DPP10: variants seen among roughly 807,000 people sequenced by gnomAD.
The protein encoded by DPP10 is dipeptidyl peptidase like 10, also known as inactive dipeptidyl peptidase 10.
In DPP10, 33 loss-of-function variants were observed where a neutral mutation model predicts 120.9. The ratio of observed to expected loss-of-function variants is 0.27; its 90% CI spans 0.21 to 0.37. The LOEUF (loss-of-function observed/expected upper bound fraction) is 0.37, where lower values mean the gene tolerates loss of function less well. Ranked by LOEUF, DPP10 falls within the 10% of genes least tolerant of loss-of-function variation. The pLI, the probability that DPP10 is intolerant of heterozygous loss-of-function variation, is 1.00. For synonymous variants in DPP10, 337 were observed against 326.1 expected, an observed-to-expected ratio of 1.03 and a Z score of -0.36; for missense variants, 816 against 942.8, an observed-to-expected ratio of 0.87 and a Z score of 1.76.
At chr2:115,565,124 G>A (rs1031644363) in intron 5 of DPP10, among the ~76,000 whole-genome samples, 1 of 152,082 alleles carries the variant, frequency 6.6e-6, no homozygotes, top group Non-Finnish European at 1.5e-5. Flanking sequence ...AGCAAACACT[G>A]AGCTTTGTGC....
Position 114,777,832 on chromosome 2 carries a change from G to A in DPP10, c.60+334994G>A, listed in dbSNP as rs141052510. On this transcript the variant is annotated intron_variant, in intron 1 of 25. Transcript: ENST00000410059. ...GCAGAACCAAGATGCTTTATAGTAAGTTCTATGAAGTTACATAGTCAAAGA... is the reference window on the plus strand; with the variant it reads ...GCAGAACCAAGATGCTTTATAGTAAATTCTATGAAGTTACATAGTCAAAGA... Among the ~76,000 whole-genome samples, 1,155 of 152,086 alleles carry A rather than the reference G, an allele frequency of 7.6e-3. 16 individuals carry two copies. The highest frequency in any genetic ancestry group is 0.027 in the African/African-American group (1,101 of 41,512).
intron 21 of DPP10, among the ~76,000 whole-genome samples, chr2:115,835,058 C>T (rs1341386795): frequency 6.6e-6 from 1 of 151,810 alleles, no homozygotes; most frequent in Non-Finnish European, 1.5e-5. Flanking sequence ...TTGCAGTGAA[C>T]CCAGGGGGCG....
chr2:115,557,773 T>C (rs577911789), intron 5 of DPP10, among the ~76,000 whole-genome samples: 17 of 152,250 alleles, frequency 1.1e-4, no homozygotes, highest in Admixed American at 1.0e-3. Context: ...AAAGGCCTAC[T>C]CCTATTTGTC....
At chr2:115,269,533 A>G (rs562657347) in intron 1 of DPP10, among the ~76,000 whole-genome samples, 2 of 152,140 alleles carry the variant, frequency 1.3e-5, no homozygotes, top group South Asian at 4.2e-4. Context: ...TCTGCTTCCA[A>G]GCTTACTTGT....
chr2:114,670,544 T>G (rs866608618), intron 1 of DPP10, among the ~76,000 whole-genome samples: 56 of 137,886 alleles, frequency 4.1e-4, no homozygotes, highest in African/African-American at 9.1e-4. Flanking sequence ...GTGGGGGGAG[T>G]GGGGAGGGAT....
At chr2:115,646,862 C>T (rs111617473) in intron 5 of DPP10, among the ~76,000 whole-genome samples, 1,531 of 146,712 alleles carry the variant, frequency 0.01, 25 homozygotes, top group African/African-American at 0.036. Flanking sequence ...CACTCTCTAA[C>T]GCTGTTTATT....
chr2:115,748,875 A>G (rs1043530811), intron 10 of DPP10, among the ~76,000 whole-genome samples: 1 of 151,140 alleles, frequency 6.6e-6, no homozygotes, highest in African/African-American at 2.4e-5. Flanking sequence ...CAATTGTTTT[A>G]TTTATTTATG....
chr2:115,384,408 G>GAGA (rs143889616), intron 3 of DPP10, among the ~76,000 whole-genome samples: 15 of 148,886 alleles, frequency 1.0e-4, no homozygotes, highest in African/African-American at 1.7e-4. Flanking sequence ...GAAGGAGAAG[G>GAGA]AGAAGAAGAA....
intron 1 of DPP10, among the ~76,000 whole-genome samples, chr2:114,506,054 A>G (rs1683628761): frequency 6.6e-6 from 1 of 152,254 alleles, no homozygotes; most frequent in Non-Finnish European, 1.5e-5. Flanking sequence ...TCTGGGCAGA[A>G]GAAGGCAGGT....
intron 1 of DPP10, among the ~76,000 whole-genome samples, chr2:115,269,889 G>T (rs978911088): frequency 6.6e-6 from 1 of 152,066 alleles, no homozygotes; most frequent in Non-Finnish European, 1.5e-5. Flanking sequence ...ACTTATCATT[G>T]TATTTCTCTT....
Position 115,843,274 on chromosome 2 carries a change from A to G in DPP10, c.*929A>G, listed in dbSNP as rs1201388075. The G allele has an allele frequency of 6.6e-6, 1 of 152,618 alleles. No individual in the cohort carries two copies. Among genetic ancestry groups the G allele is most frequent in the Non-Finnish European group, 1.5e-5 (1 of 68,042 alleles). 9.5% of individuals were successfully genotyped at this position (152,618 alleles called of 1,614,324 possible). A position where few individuals can be genotyped will look rare whatever the true frequency, so the allele number is the denominator to read the frequency against. On this transcript the variant is annotated 3_prime_UTR_variant, in exon 26 of 26. Transcript: ENST00000410059. ...GAATATGATACCTTGTCACATGTAAATTAGATACTTAAATATTAAATTATA... is the reference window on the plus strand; with the variant it reads ...GAATATGATACCTTGTCACATGTAAGTTAGATACTTAAATATTAAATTATA...
chr2:115,275,824 C>T lies in DPP10; in HGVS notation c.61-33415C>T, dbSNP rs1332599218. Among the ~76,000 whole-genome samples the T allele has an allele frequency of 4.6e-5, 7 of 151,590 alleles. No individual in the cohort carries two copies. In the East Asian group the frequency reaches 5.9e-4, roughly 13 times the overall value. On this transcript the variant is annotated intron_variant, in intron 1 of 25. Transcript: ENST00000410059. ...ACACCATTCTCCTGCCTCAGCCTCC[C>T]GAGTAGCTGGGACTACAGGCACCTG...
intron 1 of DPP10, among the ~76,000 whole-genome samples, chr2:114,954,354 A>AT (rs1698045360): frequency 6.6e-6 from 1 of 152,122 alleles, no homozygotes. Flanking sequence ...AAGTGCTGGG[A>AT]TTACAGGCAT....
At chr2:115,679,515 A>T (rs1011088307) in intron 5 of DPP10, among the ~76,000 whole-genome samples, 4 of 152,172 alleles carry the variant, frequency 2.6e-5, no homozygotes, top group South Asian at 4.1e-4. Context: ...AGTCAATTAA[A>T]CCTCTTTTCT....
chr2:115,643,515 A>G (rs568662515), intron 5 of DPP10, among the ~76,000 whole-genome samples: 1 of 152,320 alleles, frequency 6.6e-6, no homozygotes, highest in Admixed American at 6.5e-5. Context: ...CCCACGATAT[A>G]ATAGATTAAA....
chr2:115,532,564 C>G (rs888805599), intron 5 of DPP10, among the ~76,000 whole-genome samples: 1 of 151,972 alleles, frequency 6.6e-6, no homozygotes, highest in Non-Finnish European at 1.5e-5. Flanking sequence ...ATACTCAGTA[C>G]TTAATATACT....
chr2:114,794,793 G>A (rs951019766), intron 1 of DPP10, among the ~76,000 whole-genome samples: 7 of 152,094 alleles, frequency 4.6e-5, no homozygotes, highest in Non-Finnish European at 8.8e-5. Flanking sequence ...ATTTATAAAC[G>A]CATTCTCAGT....
chr2:115,324,777 G>C (rs2062257276), intron 2 of DPP10, among the ~76,000 whole-genome samples: 1 of 152,138 alleles, frequency 6.6e-6, no homozygotes, highest in Non-Finnish European at 1.5e-5. Flanking sequence ...CTAAGCTTTT[G>C]ATGTGCCTTC....
intron 1 of DPP10, among the ~76,000 whole-genome samples, chr2:114,806,490 T>C (rs1004870107): frequency 5.3e-5 from 8 of 152,214 alleles, no homozygotes; most frequent in Non-Finnish European, 1.2e-4. Context: ...CCTCAGAAGA[T>C]ACAGGGAAGT....
Sources: gnomAD v4.1 joint callset for allele counts (sites outside exome capture counted in the v4.1 genomes callset) on GRCh38, gnomAD v4.1.1 for gene constraint, MANE v1.5 for transcripts, NCBI Gene and HGNC (gene_info 2026-07-23, HGNC 2026-07-21) for gene names.